Variants in CDH2 observed in about 807,000 individuals in gnomAD.
The protein encoded by CDH2 is cadherin 2.
Under a neutral mutation model 92.0 loss-of-function variants are expected in CDH2, and 17 were observed. That is an observed-to-expected ratio of 0.18 (90% CI 0.13 to 0.28). CDH2 has a LOEUF of 0.28. Among genes scored for constraint, CDH2 ranks in the 10% least tolerant of loss-of-function variants. CDH2 has a pLI of 1.00. For synonymous variants in CDH2, 419 were observed against 415.9 expected (o/e 1.01, Z -0.09); for missense variants, 862 against 1,133.1 (o/e 0.76, Z 3.44).
chr18:27,990,692 T>A (rs943672869), intron 9 of CDH2, among the ~76,000 whole-genome samples: 31 of 152,176 alleles, frequency 2.0e-4, no homozygotes, highest in Admixed American at 5.2e-4. Flanking sequence ...TAAAGTCAAG[T>A]GAGAACATGA....
At position 27,959,798 on chromosome 18, in the gene CDH2, T is replaced by C. The variant is rs538478842; in HGVS notation, c.2514+3559A>G. Among the ~76,000 whole-genome samples the C allele has an allele frequency of 3.9e-5, 6 of 152,298 alleles. No homozygotes were observed. In the South Asian group the frequency reaches 8.3e-4, roughly 21 times the overall value. On this transcript the variant is annotated intron_variant, in intron 15 of 15. Coordinates refer to ENST00000269141, the MANE Select transcript of CDH2 (RefSeq NM_001792.5). ...CTCCAACTCTAGGGGCATTTCTAGC[T>C]GAAGATATTTGATTGCTCCTCTCCT...
intron 7 of CDH2, among the ~76,000 whole-genome samples, chr18:27,999,742 A>AT (rs1240480491): frequency 7.9e-5 from 12 of 151,030 alleles, no homozygotes; most frequent in Non-Finnish European, 1.8e-4. Flanking sequence ...ATATATATAC[A>AT]TTTTTTTTGA....
At chr18:28,044,393 C>T (rs750878954) in intron 2 of CDH2, among the ~76,000 whole-genome samples, 9 of 152,146 alleles carry the variant, frequency 5.9e-5, no homozygotes, top group Non-Finnish European at 1.0e-4. Flanking sequence ...ATTCCTTTTG[C>T]TTAAACTGGG....
intron 2 of CDH2, among the ~76,000 whole-genome samples, chr18:28,116,600 A>T (rs2015499891): frequency 6.6e-6 from 1 of 152,072 alleles, no homozygotes; most frequent in Non-Finnish European, 1.5e-5. Flanking sequence ...TTTAGAAACA[A>T]CTCCCAAAAG....
chr18:28,144,354 G>A (rs138055360), intron 2 of CDH2, among the ~76,000 whole-genome samples: 184 of 138,630 alleles, frequency 1.3e-3, no homozygotes, highest in Non-Finnish European at 2.3e-3. Flanking sequence ...TATATGCCAC[G>A]GGATAAAAAA....
chr18:28,043,496 ATATAT>A (rs1567976520), intron 2 of CDH2, among the ~76,000 whole-genome samples: 4 of 48,730 alleles, frequency 8.2e-5, no homozygotes, highest in South Asian at 7.8e-4. Flanking sequence ...ATATATATAA[ATATAT>A]ATATATATAT....
intron 1 of CDH2, among the ~76,000 whole-genome samples, chr18:28,148,743 G>A (rs1340426676): frequency 6.6e-6 from 1 of 152,162 alleles, no homozygotes; most frequent in Admixed American, 6.5e-5. Context: ...TTGAGAGGAA[G>A]AAGAAGGGAA....
chr18:28,167,576 TG>T (rs1244480526), intron 1 of CDH2, among the ~76,000 whole-genome samples: 3 of 152,080 alleles, frequency 2.0e-5, no homozygotes, highest in Non-Finnish European at 4.4e-5. Flanking sequence ...AAAAAAATCA[TG>T]CTGTTGGAAG....
At position 28,007,165 on chromosome 18, in the gene CDH2, AATATATATAT is replaced by A. The variant is rs1555632742; in HGVS notation, c.703-1182_703-1173del. ...ACAGAGTGAGACTCCATAAAAAAAA[AATATATATAT>A]ATATATATATATATATATACGAGTA... On this transcript the variant is annotated intron_variant, in intron 5 of 15. Coordinates refer to ENST00000269141, the MANE Select transcript of CDH2 (RefSeq NM_001792.5). Among the ~76,000 whole-genome samples the A allele has an allele frequency of 1.0e-3, 110 of 110,464 alleles. 2 individuals are homozygous for A. The highest frequency in any genetic ancestry group is 4.7e-3 in the African/African-American group (105 of 22,580). 72.5% of individuals were successfully genotyped at this position (110,464 alleles called of 152,430 possible). A position where few individuals can be genotyped will look rare whatever the true frequency, so the allele number is the denominator to read the frequency against.
intron 2 of CDH2, among the ~76,000 whole-genome samples, chr18:28,105,513 C>G (rs2015306103): frequency 1.3e-5 from 2 of 151,916 alleles, no homozygotes; most frequent in South Asian, 4.2e-4. Context: ...TCAAAATAAG[C>G]TTTTCATGAG....
At chr18:28,131,683 G>GGGGT (rs1555645013) in intron 2 of CDH2, among the ~76,000 whole-genome samples, 4 of 150,196 alleles carry the variant, frequency 2.7e-5, no homozygotes, top group African/African-American at 4.9e-5. Flanking sequence ...AAGCATTTGT[G>GGGGT]GTGTGTGTGT....
chr18:28,174,425 T>C (rs2016507689), intron 1 of CDH2, among the ~76,000 whole-genome samples: 1 of 152,170 alleles, frequency 6.6e-6, no homozygotes. Flanking sequence ...TCATGTTGCG[T>C]AAACTGCTCT....
chr18:28,081,662 A>G (rs752556702), intron 2 of CDH2, among the ~76,000 whole-genome samples: 10 of 152,234 alleles, frequency 6.6e-5, no homozygotes, highest in Admixed American at 3.3e-4. Flanking sequence ...CTTGATGGAT[A>G]AAATACCATC....
At chr18:28,168,836 A>G (rs1393898861) in intron 1 of CDH2, among the ~76,000 whole-genome samples, 1 of 152,116 alleles carries the variant, frequency 6.6e-6, no homozygotes, top group Non-Finnish European at 1.5e-5. Flanking sequence ...TCAACTAAGT[A>G]GAGAGAAACT....
intron 2 of CDH2, among the ~76,000 whole-genome samples, chr18:28,041,649 C>G (rs952108910): frequency 1.3e-5 from 2 of 152,110 alleles, no homozygotes; most frequent in Non-Finnish European, 2.9e-5. Flanking sequence ...TTCTTTCAGA[C>G]GAATCATTCT....
chr18:27,965,995 A>G (rs930252525), intron 14 of CDH2, among the ~76,000 whole-genome samples: 1 of 149,678 alleles, frequency 6.7e-6, no homozygotes, highest in East Asian at 1.9e-4. Context: ...AAAAGGAAAA[A>G]AAAAAAAAAA....
chr18:28,144,095 C>T (rs2015996955), intron 2 of CDH2, among the ~76,000 whole-genome samples: 1 of 151,572 alleles, frequency 6.6e-6, no homozygotes, highest in Admixed American at 6.6e-5. Context: ...AGCAAACCAC[C>T]ATGGCACATG....
At chr18:28,130,907 G>A (rs2015757790) in intron 2 of CDH2, among the ~76,000 whole-genome samples, 1 of 152,110 alleles carries the variant, frequency 6.6e-6, no homozygotes, top group Non-Finnish European at 1.5e-5. Context: ...CCTTGAAAAA[G>A]CAAAAGTTAA....
At chr18:28,176,894 G>C in intron 1 of CDH2, 69 bp downstream of exon 1, 2 of 921,894 alleles carry the variant, frequency 2.2e-6, no homozygotes, top group Non-Finnish European at 2.7e-6. Context: ...AGCGGCGCGG[G>C]GAACAAAGGG....
Sources: gnomAD v4.1 joint callset for allele counts (sites outside exome capture counted in the v4.1 genomes callset) on GRCh38, gnomAD v4.1.1 for gene constraint, MANE v1.5 for transcripts, NCBI Gene and HGNC (gene_info 2026-07-23, HGNC 2026-07-21) for gene names.